Variants in TMF1 observed in about 807,000 individuals in gnomAD.
TMF1 encodes TATA element modulatory factor 1.
Under a neutral mutation model 126.5 loss-of-function variants are expected in TMF1, and 71 were observed. The ratio of observed to expected loss-of-function variants is 0.56; its 90% CI spans 0.46 to 0.68. The LOEUF (loss-of-function observed/expected upper bound fraction) is 0.68, where lower values mean the gene tolerates loss of function less well. TMF1 is among the 30% of genes least tolerant of loss of function. The pLI is 0.00. For synonymous variants in TMF1, 461 were observed against 430.5 expected (o/e 1.07, Z -0.88); for missense variants, 1,259 against 1,253.2 (o/e 1.00, Z -0.07).
chr3:69,025,873 C>CA (rs1213082515), intron 14 of TMF1, 123 bp downstream of exon 14: 1 of 1,113,490 alleles, frequency 9.0e-7, no homozygotes, highest in African/African-American at 1.6e-5. Context: ...AGCACTCCTC[C>CA]ACAAGTATTC....
chr3:69,033,822 G>A, intron 9 of TMF1, 118 bp from the exon 10 acceptor site: 5 of 969,154 alleles, frequency 5.2e-6, no homozygotes, highest in Non-Finnish European at 7.3e-6. Context: ...AAAATAATTT[G>A]CTTTTTAATT....
In TMF1 at chr3:69,038,953, T is replaced by G. The variant is rs776344528; in HGVS notation, c.1884A>C (p.Leu628=). Residue 628 remains leucine, a synonymous_variant, in exon 7 of 17, where the codon CTA becomes CTC. Coordinates refer to ENST00000398559, the MANE Select transcript of TMF1 (RefSeq NM_007114.3). ...EKQHRENIKK[L]NSMVERQEKD... The stretch of plus-strand genomic sequence containing the variant: ...TCTCTTGGCGTTCTACCATGGAATT[T>G]AGTTTTTTAATATTTTCTCTATGTT... The G allele has an allele frequency of 2.5e-6, 4 of 1,610,546 alleles. No individual in the cohort carries two copies. In the South Asian group the frequency reaches 4.4e-5, roughly 18 times the overall value.
intron 5 of TMF1, among the ~76,000 whole-genome samples, chr3:69,041,075 C>CA (rs966847275): frequency 4.6e-5 from 7 of 152,100 alleles, no homozygotes; most frequent in African/African-American, 1.4e-4. Flanking sequence ...GACATCAGTT[C>CA]ATTCTCTGAC....
At chr3:69,031,156 T>C (rs1409922329) in intron 10 of TMF1, among the ~76,000 whole-genome samples, 2 of 152,172 alleles carry the variant, frequency 1.3e-5, no homozygotes, top group Non-Finnish European at 2.9e-5. Flanking sequence ...TGTCATACAC[T>C]GTATAATTTT....
intron 1 of TMF1, 101 bp downstream of exon 1, chr3:69,051,842 ACT>A (rs1237093505): frequency 1.5e-6 from 2 of 1,343,952 alleles, no homozygotes; most frequent in South Asian, 1.5e-5. Context: ...CTTCCTGAAA[ACT>A]CTCTCAGCAA....
chr3:69,037,071 C>G (rs2091835984), intron 8 of TMF1, among the ~76,000 whole-genome samples: 2 of 151,664 alleles, frequency 1.3e-5, no homozygotes, highest in African/African-American at 4.8e-5. Flanking sequence ...CTCATAATAA[C>G]AATAAAAAGA....
intron 3 of TMF1, among the ~76,000 whole-genome samples, 161 bp downstream of exon 3, chr3:69,044,329 CAA>C (rs2091883619): frequency 6.6e-6 from 1 of 152,034 alleles, no homozygotes; most frequent in African/African-American, 2.4e-5. Flanking sequence ...TAAAGACAAT[CAA>C]AAGAGAAAAG....
In TMF1 at chr3:69,051,945, C is replaced by T; in HGVS notation, c.142G>A (p.Gly48Arg). The T allele has an allele frequency of 6.2e-7, 1 of 1,612,926 alleles. No homozygotes were observed. The highest frequency in any genetic ancestry group is 8.5e-7 in the Non-Finnish European group (1 of 1,179,376). ...GGAACCCCGCTCCTCTCTCTCTTAC[C>T]CGGCTCTCCATACGGAATGGTCTCG... ...WAETIPYGEP[G>R]ISSPVSGGWD... Residue 48 changes from glycine (G) to arginine (R), a missense_variant and splice_region_variant, in exon 1 of 17, where the codon GGA (glycine) becomes AGA (arginine). Coordinates refer to ENST00000398559, the MANE Select transcript of TMF1 (RefSeq NM_007114.3).
At position 69,050,985 on chromosome 3, in the gene TMF1, T is replaced by C. The variant is rs80190297; in HGVS notation, c.142+960A>G. On this transcript the variant is annotated intron_variant, in intron 1 of 16. Transcript: ENST00000398559. ...GCTCAATGAAACTGCAAAGAGAGACTTGGCTATTCAGAAATAAAATGTGAT... is the reference window on the plus strand; with the variant it reads ...GCTCAATGAAACTGCAAAGAGAGACCTGGCTATTCAGAAATAAAATGTGAT... Among the ~76,000 whole-genome samples, 725 of 152,298 alleles carry C rather than the reference T, an allele frequency of 4.8e-3. 9 individuals are homozygous for C. Among genetic ancestry groups the C allele is most frequent in the African/African-American group, 0.016 (674 of 41,560 alleles).
chr3:69,045,183 C>T (rs146095995), intron 2 of TMF1, among the ~76,000 whole-genome samples: 396 of 152,240 alleles, frequency 2.6e-3, no homozygotes, highest in Non-Finnish European at 4.5e-3. Flanking sequence ...GTAGGCCAGG[C>T]GCAGTGGCTC....
chr3:69,046,269 G>A lies in TMF1; in HGVS notation c.1347+1089C>T, dbSNP rs115419890. ...ATGGTGATAAACTTGAGTATAAAAG[G>A]AGTAGGAAGGGTTCCTTTTTGGACT... On this transcript the variant is annotated intron_variant, in intron 2 of 16. Transcript: ENST00000398559. Among the ~76,000 whole-genome samples, 383 of 146,534 alleles carry A rather than the reference G, an allele frequency of 2.6e-3. 1 individual carries two copies. The highest frequency in any genetic ancestry group is 9.1e-3 in the African/African-American group (361 of 39,494).
intron 1 of TMF1, among the ~76,000 whole-genome samples, chr3:69,049,220 T>G (rs1300766740): frequency 6.6e-6 from 1 of 152,086 alleles, no homozygotes; most frequent in African/African-American, 2.4e-5. Flanking sequence ...AAAAAATTTT[T>G]TTAATTAGCT....
Position 69,022,776 on chromosome 3 carries a change from T to C in TMF1, c.*401A>G, listed in dbSNP as rs1179587206. Reference sequence around the variant, plus strand: ...GAAAGATTTCAAAGTTTCAGTATGTTAACATTACTCTTCAAATGTTCTTAA... The same window carrying C: ...GAAAGATTTCAAAGTTTCAGTATGTCAACATTACTCTTCAAATGTTCTTAA... On this transcript the variant is annotated 3_prime_UTR_variant, in exon 17 of 17. Transcript: ENST00000398559. 6.5e-6 allele frequency: 1 copy of C among 152,848 alleles called. No homozygotes were observed. Among genetic ancestry groups the C allele is most frequent in the Non-Finnish European group, 1.5e-5 (1 of 68,296 alleles). 9.5% of individuals were successfully genotyped at this position (152,848 alleles called of 1,614,324 possible). A position where few individuals can be genotyped will look rare whatever the true frequency, so the allele number is the denominator to read the frequency against.
chr3:69,047,261 G>C (rs1575820013), intron 2 of TMF1, 97 bp downstream of exon 2: 2 of 1,375,442 alleles, frequency 1.5e-6, no homozygotes, highest in East Asian at 4.7e-5. Context: ...TTTTAAATCT[G>C]TATAAATTAT....
chr3:69,037,693 C>A (rs559673100), intron 8 of TMF1, among the ~76,000 whole-genome samples: 1 of 152,106 alleles, frequency 6.6e-6, no homozygotes, highest in Non-Finnish European at 1.5e-5. Context: ...GTAGTCCCAG[C>A]TACTCAGGAG....
intron 8 of TMF1, among the ~76,000 whole-genome samples, chr3:69,038,313 AGAGGGTT>A (rs1404142950): frequency 1.4e-4 from 21 of 152,100 alleles, no homozygotes; most frequent in Admixed American, 7.2e-4. Context: ...TTCTCTTCTA[AGAGGGTT>A]CCTAGCTTTT....
At chr3:69,042,241 T>C (rs1356778344) in intron 5 of TMF1, 1 of 417,550 alleles carries the variant, frequency 2.4e-6, no homozygotes, top group African/African-American at 2.1e-5. Context: ...TTTCACCATG[T>C]TGGCCAGGCT....
In TMF1 at chr3:69,025,633, C is replaced by T; in HGVS notation, c.2939G>A (p.Gly980Glu). 1 of 1,614,070 alleles carries T rather than the reference C, an allele frequency of 6.2e-7. No individual in the cohort carries two copies. The highest frequency in any genetic ancestry group is 8.5e-7 in the Non-Finnish European group (1 of 1,179,954). The change falls in exon 15 of 17, where the codon GGA becomes GAA. Residue 980 changes from glycine to glutamate, a missense_variant. By Grantham distance (98) the Gly-to-Glu change is moderately conservative (BLOSUM62 -2). Coordinates refer to ENST00000398559, the MANE Select transcript of TMF1 (RefSeq NM_007114.3). ...GSNLYDAVRM[G>E]AGSSIIENLQ... Reference sequence around the variant, plus strand: ...GTTTTCAATTATGCTTGATCCTGCTCCCATCCTTACAGCATCATAAAGATT... The same window carrying T: ...GTTTTCAATTATGCTTGATCCTGCTTCCATCCTTACAGCATCATAAAGATT...
chr3:69,030,719 T>G (rs2091796395), intron 10 of TMF1: 1 of 152,040 alleles, frequency 6.6e-6, no homozygotes, highest in Non-Finnish European at 1.5e-5. Flanking sequence ...AAAATACAAA[T>G]TAAAATCATA....
Sources: allele counts gnomAD v4.1 joint callset (sites outside exome capture counted in the v4.1 genomes callset), GRCh38; gene constraint gnomAD v4.1.1; transcripts MANE v1.5; gene names NCBI Gene and HGNC (gene_info 2026-07-23, HGNC 2026-07-21).